Variants in PRRG1 observed in about 807,000 individuals in gnomAD.
PRRG1 encodes the protein transmembrane gamma-carboxyglutamic acid protein 1.
PRRG1 carries 5 observed loss-of-function variants against 11.8 expected under a neutral mutation model. The observed-to-expected ratio is 0.42, with a 90% confidence interval of 0.22 to 0.89. PRRG1 has a LOEUF of 0.89. Ranked by LOEUF, PRRG1 falls within the 40% of genes least tolerant of loss-of-function variation. The probability of loss-of-function intolerance (pLI) is 0.28; values close to 1 mark genes in which losing one functional copy is unlikely to be tolerated. For synonymous variants in PRRG1, 66 were observed against 60.4 expected, an observed-to-expected ratio of 1.09 and a Z score of -0.43; for missense variants, 155 against 166.1, an observed-to-expected ratio of 0.93 and a Z score of 0.37.
At chrX:37,420,693 GAAAGAAA>G (rs1333334886) in intron 2 of PRRG1, among the ~76,000 whole-genome samples, 115 of 88,219 alleles carry the variant, frequency 1.3e-3, no homozygotes, top group Admixed American at 2.7e-3. Flanking sequence ...AAAAAGAAAA[GAAAGAAA>G]AAAGAAAAAA....
At chrX:37,407,392 A>C (rs1173632681) in intron 2 of PRRG1, among the ~76,000 whole-genome samples, 2 of 112,354 alleles carry the variant, frequency 1.8e-5, no homozygotes, top group Non-Finnish European at 3.8e-5. Context: ...GGGGGTCCCA[A>C]CAGCTTTTAC....
chrX:37,438,931 C>T (rs1932927258), intron 3 of PRRG1, among the ~76,000 whole-genome samples: 2 of 111,779 alleles, frequency 1.8e-5, no homozygotes, highest in South Asian at 7.6e-4. Flanking sequence ...TTCACTAGTT[C>T]CTTCTTCCAA....
chrX:37,430,867 A>G (rs1399250577), intron 3 of PRRG1, among the ~76,000 whole-genome samples: 1 of 111,704 alleles, frequency 9.0e-6, no homozygotes, highest in Non-Finnish European at 1.9e-5. Flanking sequence ...ATTACCACAA[A>G]GTTTTCCCTC....
intron 2 of PRRG1, among the ~76,000 whole-genome samples, chrX:37,416,656 C>T (rs1343941005): frequency 8.9e-6 from 1 of 112,103 alleles, no homozygotes; most frequent in Non-Finnish European, 1.9e-5. Flanking sequence ...TGACAAATTA[C>T]ACTAATAATT....
At chrX:37,431,488 A>G (rs1932826499) in intron 3 of PRRG1, among the ~76,000 whole-genome samples, 1 of 111,916 alleles carries the variant, frequency 8.9e-6, no homozygotes, top group African/African-American at 3.2e-5. Context: ...GCACTTCCTT[A>G]ATGGCTCATG....
chrX:37,424,028 G>T (rs782521796), intron 2 of PRRG1, among the ~76,000 whole-genome samples: 5 of 111,390 alleles, frequency 4.5e-5, no homozygotes, highest in Admixed American at 9.6e-5. Flanking sequence ...TATAGCCTAG[G>T]TGACTAGTAG....
chrX:37,373,452 T>G (rs1388537001), intron 1 of PRRG1, among the ~76,000 whole-genome samples: 1 of 112,274 alleles, frequency 8.9e-6, no homozygotes, highest in Non-Finnish European at 1.9e-5. Context: ...CATTTATTCA[T>G]GACTTTTCCA....
At chrX:37,423,975 C>A (rs1932732573) in intron 2 of PRRG1, among the ~76,000 whole-genome samples, 1 of 111,320 alleles carries the variant, frequency 9.0e-6, no homozygotes, top group African/African-American at 3.3e-5. Context: ...AGTATAGTAA[C>A]AAACTGAACA....
At chrX:37,361,525 T>C (rs1930415297) in intron 1 of PRRG1, among the ~76,000 whole-genome samples, 1 of 111,821 alleles carries the variant, frequency 8.9e-6, no homozygotes, top group Non-Finnish European at 1.9e-5. Context: ...ATTTGAACTT[T>C]TAGGTACATT....
chrX:37,425,337 C>T (rs1556388117), intron 2 of PRRG1, among the ~76,000 whole-genome samples: 11 of 111,178 alleles, frequency 9.9e-5, no homozygotes, highest in Non-Finnish European at 2.1e-4. Flanking sequence ...GAATCATGGC[C>T]AAATTTAACT....
Position 37,385,090 on chromosome X carries a change from A to C in PRRG1, c.-41-21119A>C, listed in dbSNP as rs782132149. On this transcript the variant is annotated intron_variant, in intron 1 of 3. Transcript: ENST00000378628. ...ATAAACCTAAACTTGAAATAACTTAAATTTCTGTCAATAGAATGAATAAAT... is the reference window on the plus strand; with the variant it reads ...ATAAACCTAAACTTGAAATAACTTACATTTCTGTCAATAGAATGAATAAAT... Among the ~76,000 whole-genome samples, 3 of 112,208 alleles carry C rather than the reference A, an allele frequency of 2.7e-5. No individual in the cohort carries two copies. In the East Asian group the frequency reaches 8.4e-4, roughly 31 times the overall value.
intron 1 of PRRG1, among the ~76,000 whole-genome samples, chrX:37,370,292 A>G (rs1327542662): frequency 1.8e-5 from 2 of 112,365 alleles, no homozygotes; most frequent in Non-Finnish European, 3.8e-5. Context: ...CACTGCTGCA[A>G]TGAACATGTG....
intron 3 of PRRG1, among the ~76,000 whole-genome samples, chrX:37,431,796 C>T (rs1273185148): frequency 1.8e-5 from 2 of 111,514 alleles, no homozygotes; most frequent in Non-Finnish European, 3.8e-5. Context: ...GAGACAGATT[C>T]TCGCTCTGTT....
chrX:37,359,558 G>A (rs782147561), intron 1 of PRRG1, among the ~76,000 whole-genome samples: 13 of 110,729 alleles, frequency 1.2e-4, no homozygotes, highest in Admixed American at 5.8e-4. Flanking sequence ...ATTTTGTTGA[G>A]GATTTTTCAA....
At chrX:37,424,382 CTG>C (rs1932747950) in intron 2 of PRRG1, among the ~76,000 whole-genome samples, 1 of 110,977 alleles carries the variant, frequency 9.0e-6, no homozygotes, top group Non-Finnish European at 1.9e-5. Flanking sequence ...ATCAGAAACT[CTG>C]GGGTGGGGCC....
intron 1 of PRRG1, among the ~76,000 whole-genome samples, chrX:37,362,777 GACTCTAGTCT>G (rs1429868497): frequency 1.8e-5 from 2 of 110,965 alleles, no homozygotes; most frequent in Non-Finnish European, 3.8e-5. Flanking sequence ...GGAGTGGGTG[GACTCTAGTCT>G]ACTTCAACTG....
intron 3 of PRRG1, 58 bp from the exon 4 acceptor site, chrX:37,453,078 G>T: frequency 9.3e-7 from 1 of 1,080,791 alleles, no homozygotes; most frequent in African/African-American, 1.9e-5. Flanking sequence ...TTATTCATCT[G>T]GTATTTTCCA....
chrX:37,376,888 C>T (rs1930981177), intron 1 of PRRG1, among the ~76,000 whole-genome samples: 1 of 108,949 alleles, frequency 9.2e-6, no homozygotes, highest in African/African-American at 3.3e-5. Flanking sequence ...TTCACAGAAT[C>T]TGTAAATTTT....
chrX:37,425,684 T>C (rs782327882), intron 2 of PRRG1, 156 bp from the exon 3 acceptor site: 30 of 429,400 alleles, frequency 7.0e-5, no homozygotes, highest in Non-Finnish European at 1.1e-4. Flanking sequence ...ATGAGGAAGA[T>C]AGCAGATACA....
Sources: gnomAD v4.1 joint callset for allele counts (sites outside exome capture counted in the v4.1 genomes callset) on GRCh38, gnomAD v4.1.1 for gene constraint, MANE v1.5 for transcripts, NCBI Gene and HGNC (gene_info 2026-07-23, HGNC 2026-07-21) for gene names.